ITGA8: variants seen among roughly 807,000 people sequenced by gnomAD.
ITGA8 encodes integrin subunit alpha 8, also known as integrin alpha-8.
In ITGA8, 91 loss-of-function variants were observed where a neutral mutation model predicts 142.3. That is an observed-to-expected ratio of 0.64 (90% CI 0.54 to 0.76). The LOEUF (loss-of-function observed/expected upper bound fraction) is 0.76, where lower values mean the gene tolerates loss of function less well. ITGA8 is among the 30% of genes least tolerant of loss of function. The probability of loss-of-function intolerance (pLI) is 0.00; values close to 1 mark genes in which losing one functional copy is unlikely to be tolerated. For synonymous variants in ITGA8, 505 were observed against 485.2 expected (o/e 1.04, Z -0.54); for missense variants, 1,406 against 1,327.7 (o/e 1.06, Z -0.92).
intron 27 of ITGA8, among the ~76,000 whole-genome samples, chr10:15,532,515 CCAAA>C (rs1833330420): frequency 6.6e-6 from 1 of 150,626 alleles, no homozygotes; most frequent in Admixed American, 6.6e-5. Context: ...TGACCTAGAG[CCAAA>C]CAGTGTTTTT....
Position 15,719,789 on chromosome 10 carries a change from G to T in ITGA8, c.-18C>A, listed in dbSNP as rs1319826289. ...GGCGACATCTCCCTCCGCCCCGGTG[G>T]GTGGCTGCTACCCAGGAGCGCGAGC... On this transcript the variant is annotated 5_prime_UTR_variant, in exon 1 of 30. Transcript: ENST00000378076. 3 of 1,345,222 alleles carry T rather than the reference G, an allele frequency of 2.2e-6. No homozygotes were observed. Among genetic ancestry groups the T allele is most frequent in the South Asian group, 1.9e-5 (1 of 51,394 alleles). The allele number at this position is 1,345,222 out of a possible 1,614,324, so 83.3% of individuals were successfully genotyped here.
At chr10:15,634,928 CTG>C (rs770999120) in intron 13 of ITGA8, among the ~76,000 whole-genome samples, 10 of 150,690 alleles carry the variant, frequency 6.6e-5, no homozygotes, top group Non-Finnish European at 1.3e-4. Flanking sequence ...TGCAACTTTT[CTG>C]TGAGTCCAAA....
intron 25 of ITGA8, among the ~76,000 whole-genome samples, chr10:15,559,699 A>C (rs1833941875): frequency 6.6e-6 from 1 of 152,064 alleles, no homozygotes; most frequent in African/African-American, 2.4e-5. Context: ...GGAAGCCATT[A>C]TCCTCAGCAA....
chr10:15,567,804 C>T (rs1297346934), intron 25 of ITGA8, among the ~76,000 whole-genome samples: 1 of 152,154 alleles, frequency 6.6e-6, no homozygotes, highest in Non-Finnish European at 1.5e-5. Flanking sequence ...CCTGCAGCCC[C>T]CAGGCTGTTG....
intron 2 of ITGA8, among the ~76,000 whole-genome samples, chr10:15,712,348 A>G (rs1220292688): frequency 6.6e-6 from 1 of 152,136 alleles, no homozygotes; most frequent in Non-Finnish European, 1.5e-5. Context: ...TTGAGAGGCC[A>G]AGGCAGGCAG....
chr10:15,623,959 T>G (rs1244801035), intron 13 of ITGA8, among the ~76,000 whole-genome samples: 2 of 152,192 alleles, frequency 1.3e-5, no homozygotes, highest in Non-Finnish European at 2.9e-5. Flanking sequence ...GTCTAGCTTC[T>G]TGCACTCAGC....
At chr10:15,526,466 G>A (rs565394437) in intron 28 of ITGA8, among the ~76,000 whole-genome samples, 4 of 152,210 alleles carry the variant, frequency 2.6e-5, no homozygotes, top group South Asian at 2.1e-4. Flanking sequence ...GTGAGCCACC[G>A]CACCCGGCCC....
chr10:15,684,263 T>C (rs899430397), intron 3 of ITGA8, 136 bp from the exon 4 acceptor site: 3 of 814,716 alleles, frequency 3.7e-6, no homozygotes, highest in African/African-American at 3.5e-5. Context: ...AATGAGTGCC[T>C]TGGTCATCAG....
intron 4 of ITGA8, among the ~76,000 whole-genome samples, chr10:15,682,755 G>T (rs1323074179): frequency 6.6e-6 from 1 of 151,632 alleles, no homozygotes; most frequent in African/African-American, 2.4e-5. Flanking sequence ...GCAGGCTGAG[G>T]TGGGAGGATT....
chr10:15,678,494 A>G (rs1392681135), intron 5 of ITGA8, among the ~76,000 whole-genome samples: 1 of 152,132 alleles, frequency 6.6e-6, no homozygotes, highest in African/African-American at 2.4e-5. Flanking sequence ...TATCATGTCT[A>G]TTTCTCTACT....
At chr10:15,586,012 G>T (rs1471479310) in intron 23 of ITGA8, among the ~76,000 whole-genome samples, 1 of 139,524 alleles carries the variant, frequency 7.2e-6, no homozygotes, top group Non-Finnish European at 1.6e-5. Flanking sequence ...GGTTTTTATA[G>T]TTTGATTACT....
At chr10:15,587,029 T>G (rs956686401) in intron 22 of ITGA8, among the ~76,000 whole-genome samples, 5 of 152,078 alleles carry the variant, frequency 3.3e-5, no homozygotes, top group Non-Finnish European at 7.4e-5. Context: ...TTCAAGTGAT[T>G]CTCCTGCCTC....
intron 13 of ITGA8, among the ~76,000 whole-genome samples, chr10:15,619,436 T>A (rs1833449722): frequency 6.6e-6 from 1 of 152,232 alleles, no homozygotes; most frequent in Non-Finnish European, 1.5e-5. Context: ...TGCATGCTGA[T>A]GTTCAAATAA....
intron 2 of ITGA8, among the ~76,000 whole-genome samples, chr10:15,688,956 A>G (rs1353056407): frequency 2.0e-5 from 3 of 152,170 alleles, no homozygotes; most frequent in Non-Finnish European, 2.9e-5. Flanking sequence ...CACTCTCCCC[A>G]CTTCCATTCA....
chr10:15,523,015 C>CAA (rs60985014), intron 28 of ITGA8, among the ~76,000 whole-genome samples: 8 of 140,768 alleles, frequency 5.7e-5, no homozygotes, highest in African/African-American at 2.1e-4. Context: ...GGCTCAGTCT[C>CAA]AAAAAAAAAA....
intron 6 of ITGA8, among the ~76,000 whole-genome samples, chr10:15,676,263 T>C (rs934827766): frequency 7.2e-5 from 11 of 152,202 alleles, no homozygotes; most frequent in African/African-American, 2.4e-4. Flanking sequence ...GCTTTCCAAG[T>C]TAACTTTGCG....
In ITGA8 at chr10:15,583,428, G is replaced by A. The variant is rs577162859; in HGVS notation, c.2372+3156C>T. ...TACCTAATGTAGATGATGGGTTGAT[G>A]AGTGCAGCAAACCATCATGGCACTT... is the stretch of plus-strand genomic sequence containing the variant. On this transcript the variant is annotated intron_variant, in intron 23 of 29. Coordinates refer to ENST00000378076, the MANE Select transcript of ITGA8 (RefSeq NM_003638.3). Among the ~76,000 whole-genome samples, 25 of 152,254 alleles carry A rather than the reference G, an allele frequency of 1.6e-4. No homozygotes were observed. The South Asian group carries it at 5.2e-3, about 32-fold the overall frequency.
chr10:15,658,934 A>G (rs1327218820), intron 10 of ITGA8, 65 bp downstream of exon 10: 5 of 1,040,354 alleles, frequency 4.8e-6, no homozygotes, highest in Admixed American at 2.1e-5. Flanking sequence ...AATAACTGAT[A>G]TGAATATTAT....
chr10:15,716,483 A>C (rs944284874), intron 2 of ITGA8, among the ~76,000 whole-genome samples: 4 of 152,136 alleles, frequency 2.6e-5, no homozygotes, highest in Non-Finnish European at 4.4e-5. Flanking sequence ...TTAATTGCCA[A>C]CTTGTTCTAG....
Sources: allele counts gnomAD v4.1 joint callset (sites outside exome capture counted in the v4.1 genomes callset), GRCh38; gene constraint gnomAD v4.1.1; transcripts MANE v1.5; gene names NCBI Gene and HGNC (gene_info 2026-07-23, HGNC 2026-07-21).